ANO4: variants seen among roughly 807,000 people sequenced by gnomAD.
ANO4 encodes the protein anoctamin-4.
In ANO4, 69 loss-of-function variants were observed where a neutral mutation model predicts 141.9. The observed-to-expected ratio is 0.49, with a 90% CI of 0.40 to 0.59. ANO4 has a LOEUF of 0.59. Ranked by LOEUF, ANO4 falls within the 20% of genes least tolerant of loss-of-function variation. The probability of loss-of-function intolerance (pLI) is 0.00; values close to 1 mark genes in which losing one functional copy is unlikely to be tolerated. For synonymous variants in ANO4, 350 were observed against 394.3 expected, an observed-to-expected ratio of 0.89 and a Z score of 1.33; for missense variants, 894 against 1,162.2, an observed-to-expected ratio of 0.77 and a Z score of 3.36.
intron 5 of ANO4, among the ~76,000 whole-genome samples, chr12:100,951,828 C>A (rs1195446810): frequency 6.6e-6 from 1 of 152,160 alleles, no homozygotes; most frequent in African/African-American, 2.4e-5. Context: ...TCAACATAGA[C>A]CCTATTGGCA....
intron 11 of ANO4, among the ~76,000 whole-genome samples, chr12:101,040,986 T>C (rs2047391125): frequency 6.6e-6 from 1 of 152,200 alleles, no homozygotes; most frequent in Non-Finnish European, 1.5e-5. Flanking sequence ...TGTAAATATA[T>C]GTGTGTGTTT....
intron 8 of ANO4, among the ~76,000 whole-genome samples, chr12:101,007,854 G>T (rs1049760536): frequency 2.0e-5 from 3 of 152,108 alleles, no homozygotes; most frequent in African/African-American, 7.2e-5. Flanking sequence ...CAGGTAGCTA[G>T]GACTACAAGT....
At chr12:101,074,581 A>C (rs2048950866) in intron 14 of ANO4, among the ~76,000 whole-genome samples, 1 of 152,244 alleles carries the variant, frequency 6.6e-6, no homozygotes, top group Non-Finnish European at 1.5e-5. Context: ...AAAGCAAGAA[A>C]GAATCTTAGA....
chr12:101,103,910 A>G lies in ANO4; in HGVS notation c.2149+4190A>G, dbSNP rs192451194. Among the ~76,000 whole-genome samples, 9 of 148,150 alleles carry G rather than the reference A, an allele frequency of 6.1e-5. No homozygotes were observed. In the East Asian group the frequency reaches 1.5e-3, roughly 25 times the overall value. ...TAGATTTATTTTACTTAATAGATAT[A>G]GGACTATTTCATTTTTTTGTTTCTT... On this transcript the variant is annotated intron_variant, in intron 22 of 27. Coordinates refer to ENST00000392977, the MANE Select transcript of ANO4 (RefSeq NM_001286615.2).
intron 4 of ANO4, among the ~76,000 whole-genome samples, chr12:100,940,794 T>C (rs1414765497): frequency 6.6e-6 from 1 of 152,152 alleles, no homozygotes; most frequent in African/African-American, 2.4e-5. Flanking sequence ...AATTTTGAAA[T>C]CTATTAGGCT....
intron 3 of ANO4, among the ~76,000 whole-genome samples, chr12:100,747,699 C>A (rs934650899): frequency 6.6e-6 from 1 of 152,134 alleles, no homozygotes; most frequent in Non-Finnish European, 1.5e-5. Flanking sequence ...ATGGTGAAAC[C>A]CTGTCTCTAC....
intron 3 of ANO4, among the ~76,000 whole-genome samples, chr12:100,776,151 T>C (rs1231945504): frequency 6.6e-6 from 1 of 152,180 alleles, no homozygotes; most frequent in Non-Finnish European, 1.5e-5. Context: ...ATGGAAGCAC[T>C]GAGAGGTAAA....
chr12:100,875,209 T>C (rs2039238739), intron 1 of ANO4, among the ~76,000 whole-genome samples: 1 of 152,080 alleles, frequency 6.6e-6, no homozygotes, highest in African/African-American at 2.4e-5. Context: ...AGGGACCTGG[T>C]GGGAGGTGAC....
At chr12:100,950,066 G>A (rs1184176603) in intron 5 of ANO4, among the ~76,000 whole-genome samples, 1 of 152,026 alleles carries the variant, frequency 6.6e-6, no homozygotes, top group Non-Finnish European at 1.5e-5. Context: ...GCTTGTTGCT[G>A]TAGATGCTCT....
At chr12:100,786,127 A>G (rs2033867145) in intron 3 of ANO4, among the ~76,000 whole-genome samples, 1 of 152,166 alleles carries the variant, frequency 6.6e-6, no homozygotes, top group Non-Finnish European at 1.5e-5. Flanking sequence ...ATTAGAGTTC[A>G]TTCTTAATTT....
intron 3 of ANO4, 69 bp downstream of exon 3, chr12:100,922,399 A>G: frequency 1.9e-6 from 2 of 1,049,040 alleles, no homozygotes; most frequent in Non-Finnish European, 2.7e-6. Flanking sequence ...GAGGGGTAAT[A>G]AACTAGAAAC....
At chr12:101,075,441 C>A (rs1321429492) in intron 14 of ANO4, among the ~76,000 whole-genome samples, 2 of 146,586 alleles carry the variant, frequency 1.4e-5, no homozygotes, top group African/African-American at 2.5e-5. Flanking sequence ...CTAAGGAGTT[C>A]AAAATGCCAG....
At chr12:100,965,997 T>C (rs1316622339) in intron 5 of ANO4, among the ~76,000 whole-genome samples, 2 of 152,092 alleles carry the variant, frequency 1.3e-5, no homozygotes, top group Non-Finnish European at 2.9e-5. Context: ...TTGGGTGTTA[T>C]TGAATGAATG....
chr12:101,109,558 C>G (rs979138829), intron 22 of ANO4, among the ~76,000 whole-genome samples: 10 of 151,414 alleles, frequency 6.6e-5, no homozygotes, highest in African/African-American at 2.4e-4. Context: ...TAGACTCTGT[C>G]TCAAAAAAAA....
chr12:100,793,176 CATA>C (rs2034117942), upstream of ANO4, among the ~76,000 whole-genome samples: 1 of 152,200 alleles, frequency 6.6e-6, no homozygotes, highest in African/African-American at 2.4e-5. Flanking sequence ...AGCCCTGATG[CATA>C]ATTGATGTTC....
intron 1 of ANO4, among the ~76,000 whole-genome samples, chr12:100,864,045 C>T (rs1161432141): frequency 6.6e-6 from 1 of 152,170 alleles, no homozygotes; most frequent in East Asian, 1.9e-4. Context: ...GGGTTGGCTT[C>T]CTTCTACAGC....
At chr12:101,025,410 G>C (rs2046693398) in intron 9 of ANO4, among the ~76,000 whole-genome samples, 1 of 152,170 alleles carries the variant, frequency 6.6e-6, no homozygotes, top group Non-Finnish European at 1.5e-5. Context: ...AAGGCAGCGA[G>C]AGTTCACAGA....
At chr12:101,106,921 A>G (rs2050471259) in intron 22 of ANO4, among the ~76,000 whole-genome samples, 2 of 150,610 alleles carry the variant, frequency 1.3e-5, no homozygotes, top group Admixed American at 6.6e-5. Flanking sequence ...AATGGGCATT[A>G]ATCACTTCAA....
At chr12:100,998,412 T>TATCC (rs1033407964) in intron 8 of ANO4, among the ~76,000 whole-genome samples, 2 of 150,048 alleles carry the variant, frequency 1.3e-5, no homozygotes, top group Admixed American at 6.7e-5. Context: ...TCTATCTATC[T>TATCC]ATCCATCCTA....
Sources: allele counts gnomAD v4.1 joint callset (sites outside exome capture counted in the v4.1 genomes callset), GRCh38; gene constraint gnomAD v4.1.1; transcripts MANE v1.5; gene names NCBI Gene and HGNC (gene_info 2026-07-23, HGNC 2026-07-21).